Variants in DDX31 observed in about 807,000 individuals in gnomAD.
DDX31 encodes the protein DEAD-box helicase 31.
Under a neutral mutation model 91.3 loss-of-function variants are expected in DDX31, and 70 were observed. The ratio of observed to expected loss-of-function variants is 0.77; its 90% CI spans 0.63 to 0.94. The LOEUF is 0.94. Ranked by LOEUF, DDX31 falls within the 40% of genes least tolerant of loss-of-function variation. The pLI, the probability that DDX31 is intolerant of heterozygous loss-of-function variation, is 0.00. For missense variants in DDX31, 902 were observed against 925.0 expected, an observed-to-expected ratio of 0.98 and a Z score of 0.32; for synonymous variants, 362 against 350.6, an observed-to-expected ratio of 1.03 and a Z score of -0.36.
intron 13 of DDX31, among the ~76,000 whole-genome samples, chr9:132,644,582 A>G (rs1032614235): frequency 1.3e-5 from 2 of 152,234 alleles, no homozygotes; most frequent in Non-Finnish European, 2.9e-5. Context: ...TGAGATGAAC[A>G]GCCTCTGTAT....
chr9:132,626,648 T>C (rs747337199), intron 16 of DDX31, among the ~76,000 whole-genome samples: 62 of 151,984 alleles, frequency 4.1e-4, no homozygotes, highest in Non-Finnish European at 7.7e-4. Flanking sequence ...CTTTTTTTTT[T>C]TTGAAAATGT....
chr9:132,621,296 G>A (rs1427706900), intron 17 of DDX31, among the ~76,000 whole-genome samples: 2 of 152,066 alleles, frequency 1.3e-5, no homozygotes, highest in African/African-American at 4.8e-5. Context: ...AAAATGGAAG[G>A]GTTTTGTTTT....
In DDX31 at chr9:132,648,381, G is replaced by C. The variant is rs1230290321; in HGVS notation, c.860+51C>G. 4 of 1,607,090 alleles carry C rather than the reference G, an allele frequency of 2.5e-6. No individual in the cohort carries two copies. In the Admixed American group the frequency reaches 5.1e-5, roughly 20 times the overall value. On this transcript the variant is annotated intron_variant, in intron 10 of 19. Coordinates refer to ENST00000372159, the MANE Select transcript of DDX31 (RefSeq NM_022779.9). Reference sequence around the variant, plus strand: ...GGCTACAGAAGTTGCAACAAGGAGAGGAGAAACAGCCCTTCTCTTCTACCT... The same window carrying C: ...GGCTACAGAAGTTGCAACAAGGAGACGAGAAACAGCCCTTCTCTTCTACCT...
chr9:132,633,341 A>G (rs1032486307), intron 14 of DDX31, among the ~76,000 whole-genome samples: 1 of 152,222 alleles, frequency 6.6e-6, no homozygotes, highest in Non-Finnish European at 1.5e-5. Flanking sequence ...CTTGACCCAG[A>G]GCAGTATCAC....
At chr9:132,653,537 T>A in intron 6 of DDX31, among the ~76,000 whole-genome samples, 1 of 99,494 alleles carries the variant, frequency 1.0e-5, no homozygotes, top group Non-Finnish European at 2.1e-5. Context: ...AAAAAAAAAT[T>A]TCAACAGCCT....
chr9:132,656,298 A>C (rs1304260057), intron 6 of DDX31, among the ~76,000 whole-genome samples: 1 of 152,216 alleles, frequency 6.6e-6, no homozygotes, highest in African/African-American at 2.4e-5. Context: ...AAGTGAATTA[A>C]ATTGAGGCTT....
rs369325934 is a variant in DDX31, at chr9:132,626,331, G to A, written c.1632-586C>T. 5.5e-4 allele frequency among the ~76,000 whole-genome samples: 84 copies of A among 152,276 alleles called. No individual in the cohort carries two copies. In the South Asian group the frequency reaches 0.016, roughly 29 times the overall value. ...AGACCAAAGGATCTCTAACGAAGCCGGAGCTGTGTGCCAAGCACTGAGACA... is the reference window on the plus strand; with the variant it reads ...AGACCAAAGGATCTCTAACGAAGCCAGAGCTGTGTGCCAAGCACTGAGACA... On this transcript the variant is annotated intron_variant, in intron 16 of 19. Transcript: ENST00000372159.
chr9:132,639,430 G>A (rs553571906), intron 14 of DDX31, among the ~76,000 whole-genome samples: 4 of 152,186 alleles, frequency 2.6e-5, no homozygotes, highest in Non-Finnish European at 2.9e-5. Flanking sequence ...GAGGGCTTTA[G>A]AGAAATCAGG....
Position 132,648,569 on chromosome 9 carries a change from T to G in DDX31, c.741-18A>C. ...TGCGGAGTCTGTTTAAAATTATATATCATAAAAGAAAGTAAATCAAACAGG... is the reference window on the plus strand; with the variant it reads ...TGCGGAGTCTGTTTAAAATTATATAGCATAAAAGAAAGTAAATCAAACAGG... On this transcript the variant is annotated intron_variant, in intron 9 of 19. Coordinates refer to ENST00000372159, the MANE Select transcript of DDX31 (RefSeq NM_022779.9). 6.3e-7 allele frequency: 1 copy of G among 1,592,666 alleles called. No individual in the cohort carries two copies. Among genetic ancestry groups the G allele is most frequent in the Non-Finnish European group, 8.5e-7 (1 of 1,172,146 alleles).
At chr9:132,634,585 G>GTTTTTT (rs59296842) in intron 14 of DDX31, among the ~76,000 whole-genome samples, 10 of 103,090 alleles carry the variant, frequency 9.7e-5, no homozygotes, top group East Asian at 3.2e-4. Context: ...TACCTAAGAT[G>GTTTTTT]TTTTTTTTTT....
In DDX31 at chr9:132,646,927, G is replaced by A; in HGVS notation, c.1099C>T (p.Leu367=). The change falls in exon 12 of 20, where the codon CTG becomes TTG. Residue 367 remains leucine (L), a synonymous_variant. Transcript: ENST00000372159. ...EVCPPPAGDK[L]DSFAIPESLK... ...CTCTCTGGTATTGCAAAGCTGTCCAGCTTGTCGCCAGCTGGTGGAGGACAG... is the reference window on the plus strand; with the variant it reads ...CTCTCTGGTATTGCAAAGCTGTCCAACTTGTCGCCAGCTGGTGGAGGACAG... 6.2e-7 allele frequency: 1 copy of A among 1,614,218 alleles called. No individual in the cohort carries two copies.
At chr9:132,623,266 G>GTCCA (rs1832157430) in intron 17 of DDX31, among the ~76,000 whole-genome samples, 2 of 151,470 alleles carry the variant, frequency 1.3e-5, no homozygotes, top group African/African-American at 4.8e-5. Context: ...GCTTAGAAAG[G>GTCCA]TCCAGTCCAG....
At chr9:132,662,924 A>C (rs981764749) in intron 1 of DDX31, among the ~76,000 whole-genome samples, 3 of 152,138 alleles carry the variant, frequency 2.0e-5, no homozygotes, top group Admixed American at 2.0e-4. Flanking sequence ...CATCTACCAG[A>C]CCTCACCAGC....
chr9:132,665,138 T>C (rs1293386924), intron 1 of DDX31, among the ~76,000 whole-genome samples: 1 of 152,254 alleles, frequency 6.6e-6, no homozygotes, highest in Admixed American at 6.5e-5. Flanking sequence ...GGGGCCAGTC[T>C]GTCCTACATA....
intron 14 of DDX31, among the ~76,000 whole-genome samples, chr9:132,637,554 G>T (rs543774668): frequency 6.6e-6 from 1 of 152,314 alleles, no homozygotes; most frequent in South Asian, 2.1e-4. Context: ...CTCTGAGAAG[G>T]GACGCAGCAC....
intron 19 of DDX31, among the ~76,000 whole-genome samples, chr9:132,609,330 C>A (rs1055031349): frequency 6.6e-6 from 1 of 152,168 alleles, no homozygotes; most frequent in Non-Finnish European, 1.5e-5. Context: ...CCCCTGCTCA[C>A]AGGGGTATCG....
At chr9:132,597,111 G>A (rs1252285788) in intron 19 of DDX31, among the ~76,000 whole-genome samples, 3 of 152,192 alleles carry the variant, frequency 2.0e-5, no homozygotes, top group Non-Finnish European at 4.4e-5. Flanking sequence ...ACCTCCCCCA[G>A]AGCCACACAG....
At chr9:132,657,694 T>C (rs1834659707) in intron 6 of DDX31, among the ~76,000 whole-genome samples, 1 of 152,180 alleles carries the variant, frequency 6.6e-6, no homozygotes, top group Non-Finnish European at 1.5e-5. Context: ...TGCAGTCACC[T>C]CACTTTCTAT....
At chr9:132,609,026 C>T (rs1407426627) in intron 19 of DDX31, among the ~76,000 whole-genome samples, 2 of 152,154 alleles carry the variant, frequency 1.3e-5, no homozygotes, top group Non-Finnish European at 2.9e-5. Flanking sequence ...ACTGTATCCT[C>T]GAGTGCCCGT....
Sources: allele counts gnomAD v4.1 joint callset (sites outside exome capture counted in the v4.1 genomes callset), GRCh38; gene constraint gnomAD v4.1.1; transcripts MANE v1.5; gene names NCBI Gene and HGNC (gene_info 2026-07-23, HGNC 2026-07-21).